Variants in MAP2 observed in about 807,000 individuals in gnomAD.
MAP2 encodes the protein microtubule associated protein 2.
MAP2 carries 14 observed loss-of-function variants against 137.6 expected under a neutral mutation model. The ratio of observed to expected loss-of-function variants is 0.10; its 90% CI spans 0.07 to 0.16. The LOEUF (loss-of-function observed/expected upper bound fraction) is 0.16, where lower values mean the gene tolerates loss of function less well. Ranked by LOEUF, MAP2 falls within the 10% of genes least tolerant of loss-of-function variation. The pLI, the probability that MAP2 is intolerant of heterozygous loss-of-function variation, is 1.00. For synonymous variants in MAP2, 786 were observed against 782.3 expected, an observed-to-expected ratio of 1.00 and a Z score of -0.08; for missense variants, 2,088 against 2,191.5, an observed-to-expected ratio of 0.95 and a Z score of 0.94.
chr2:209,450,975 AT>A (rs5838167), intron 1 of MAP2, among the ~76,000 whole-genome samples: 18 of 151,752 alleles, frequency 1.2e-4, no homozygotes, highest in African/African-American at 4.1e-4. Context: ...TTATGAAATA[AT>A]TTTTTTTCCC....
chr2:209,428,923 TTTTATTTATTTA>T lies in MAP2; in HGVS notation c.-222+4683_-222+4694del, dbSNP rs200198018. Among the ~76,000 whole-genome samples, 589 of 146,424 alleles carry T rather than the reference TTTTATTTATTTA, an allele frequency of 4.0e-3. 1 individual carries two copies. The highest frequency in any genetic ancestry group is 7.1e-3 in the Middle Eastern group (2 of 280). On this transcript the variant is annotated intron_variant, in intron 1 of 15. Coordinates refer to ENST00000682079, the MANE Select transcript of MAP2 (RefSeq NM_001375505.1). ...GCCTTCTTTGAATTACTTTATTTTA[TTTTATTTATTTA>T]TTTATTTATTTATTTATTTATTTAT...
At chr2:209,607,263 G>T (rs2085101653) in intron 3 of MAP2, among the ~76,000 whole-genome samples, 1 of 152,130 alleles carries the variant, frequency 6.6e-6, no homozygotes, top group South Asian at 2.1e-4. Flanking sequence ...AAGAAACATA[G>T]ACTGAAATAC....
At chr2:209,599,279 A>G (rs952333861) in intron 3 of MAP2, among the ~76,000 whole-genome samples, 1 of 151,816 alleles carries the variant, frequency 6.6e-6, no homozygotes, top group African/African-American at 2.4e-5. Flanking sequence ...TCCTTCGCCC[A>G]CTTTTTGATG....
At chr2:209,472,332 G>A (rs1705959892) in intron 1 of MAP2, among the ~76,000 whole-genome samples, 1 of 152,116 alleles carries the variant, frequency 6.6e-6, no homozygotes, top group African/African-American at 2.4e-5. Flanking sequence ...GAGAAAATGG[G>A]TCCCTTAGGA....
chr2:209,437,188 A>G (rs1696526797), intron 1 of MAP2, among the ~76,000 whole-genome samples: 3 of 151,734 alleles, frequency 2.0e-5, no homozygotes, highest in Non-Finnish European at 4.4e-5. Context: ...CACTTAAAAA[A>G]AATGGGGTGG....
In MAP2 at chr2:209,679,322, CATAGATAGATAGATAG is replaced by C. The variant is rs3036677; in HGVS notation, c.376+666_376+681del. Among the ~76,000 whole-genome samples, 122 of 148,536 alleles carry C rather than the reference CATAGATAGATAGATAG, an allele frequency of 8.2e-4. 2 individuals carry two copies. The highest frequency in any genetic ancestry group is 2.6e-3 in the East Asian group (13 of 4,954). On this transcript the variant is annotated intron_variant, in intron 6 of 15. Coordinates refer to ENST00000682079, the MANE Select transcript of MAP2 (RefSeq NM_001375505.1). ...CAGCCAAAGCCTTGCTGCCCCTACT[CATAGATAGATAGATAG>C]ATAGATAGATAGATAGATAGATAGA...
chr2:209,489,974 A>G (rs2058870642), intron 1 of MAP2, among the ~76,000 whole-genome samples: 1 of 151,634 alleles, frequency 6.6e-6, no homozygotes, highest in South Asian at 2.1e-4. Context: ...AAGAGCAATA[A>G]TCGTTAGATT....
chr2:209,508,226 A>G (rs1424881972), intron 2 of MAP2, among the ~76,000 whole-genome samples: 1 of 151,922 alleles, frequency 6.6e-6, no homozygotes. Context: ...TCACAGCAAT[A>G]AACTTGGGAT....
intron 1 of MAP2, among the ~76,000 whole-genome samples, chr2:209,457,258 T>G (rs1701750228): frequency 6.6e-6 from 1 of 152,192 alleles, no homozygotes; most frequent in African/African-American, 2.4e-5. Context: ...GCATAGATAT[T>G]GGCTCATCTT....
intron 14 of MAP2, 131 bp from the exon 15 acceptor site, chr2:209,729,719 A>C (rs1358588465): frequency 1.6e-6 from 1 of 621,288 alleles, no homozygotes; most frequent in Non-Finnish European, 2.9e-6. Context: ...CTCTTTTTAC[A>C]TATATGGTTG....
At chr2:209,678,792 A>G (rs574738451) in intron 6 of MAP2, 107 bp downstream of exon 6, 97 of 526,800 alleles carry the variant, frequency 1.8e-4, no homozygotes, top group Non-Finnish European at 2.9e-4. Context: ...TCATCCTTAC[A>G]TGTAACATTC....
intron 3 of MAP2, among the ~76,000 whole-genome samples, chr2:209,586,326 T>C (rs1277523166): frequency 6.6e-6 from 1 of 152,074 alleles, no homozygotes; most frequent in Non-Finnish European, 1.5e-5. Context: ...ATAAAGAACG[T>C]GGACAAGAAT....
chr2:209,574,022 A>C (rs1244715889), intron 2 of MAP2, among the ~76,000 whole-genome samples: 1 of 152,098 alleles, frequency 6.6e-6, no homozygotes, highest in Non-Finnish European at 1.5e-5. Context: ...TTTTATTATT[A>C]ATATTTTTGA....
chr2:209,434,920 TTATATATA>T (rs551671816), intron 1 of MAP2, among the ~76,000 whole-genome samples: 2 of 136,902 alleles, frequency 1.5e-5, no homozygotes, highest in African/African-American at 6.2e-5. Flanking sequence ...TATATATATG[TTATATATA>T]TATGTTATAT....
At chr2:209,473,780 T>C (rs1706427625) in intron 1 of MAP2, among the ~76,000 whole-genome samples, 1 of 152,132 alleles carries the variant, frequency 6.6e-6, no homozygotes, top group African/African-American at 2.4e-5. Context: ...AAATTAGAAC[T>C]TAGGAAATAG....
At chr2:209,518,082 G>A (rs555513335) in intron 2 of MAP2, among the ~76,000 whole-genome samples, 1 of 152,080 alleles carries the variant, frequency 6.6e-6, no homozygotes, top group Non-Finnish European at 1.5e-5. Context: ...TGGCACACAT[G>A]TAGTAAGCCT....
intron 2 of MAP2, among the ~76,000 whole-genome samples, chr2:209,522,580 A>G (rs907303319): frequency 2.0e-5 from 3 of 152,280 alleles, no homozygotes; most frequent in Middle Eastern, 3.4e-3. Flanking sequence ...TCAAATCCAT[A>G]TATGAAAAAA....
intron 5 of MAP2, among the ~76,000 whole-genome samples, chr2:209,674,015 G>T (rs2050096838): frequency 6.6e-6 from 1 of 151,724 alleles, no homozygotes. Flanking sequence ...TGAGCAGATG[G>T]TAGCCCAGGA....
At chr2:209,549,275 T>C (rs2068689427) in intron 2 of MAP2, among the ~76,000 whole-genome samples, 1 of 152,186 alleles carries the variant, frequency 6.6e-6, no homozygotes, top group Non-Finnish European at 1.5e-5. Flanking sequence ...CAGTGGACAG[T>C]GTCTACCATG....
Sources: allele counts gnomAD v4.1 joint callset (sites outside exome capture counted in the v4.1 genomes callset), GRCh38; gene constraint gnomAD v4.1.1; transcripts MANE v1.5; gene names NCBI Gene and HGNC (gene_info 2026-07-23, HGNC 2026-07-21).